Variants in SP3 observed in about 807,000 individuals in gnomAD.
SP3 encodes the protein transcription factor Sp3.
SP3 carries 10 observed loss-of-function variants against 70.3 expected under a neutral mutation model. The observed-to-expected ratio is 0.14, with a 90% confidence interval of 0.09 to 0.24. SP3 has a LOEUF of 0.24. Ranked by LOEUF, SP3 falls within the 10% of genes least tolerant of loss-of-function variation. The pLI is 1.00. For synonymous variants in SP3, 402 were observed against 333.5 expected, an observed-to-expected ratio of 1.21 and a Z score of -2.24; for missense variants, 825 against 914.6, an observed-to-expected ratio of 0.90 and a Z score of 1.26.
At chr2:173,963,922 G>T in intron 2 of SP3, 39 bp from the exon 3 acceptor site, 1 of 1,393,768 alleles carries the variant, frequency 7.2e-7, no homozygotes, top group Non-Finnish European at 9.5e-7. Flanking sequence ...GAGACAGGGG[G>T]AGGGGGTGGC....
intron 4 of SP3, among the ~76,000 whole-genome samples, chr2:173,925,612 T>C (rs1009743856): frequency 6.6e-6 from 1 of 152,346 alleles, no homozygotes; most frequent in Non-Finnish European, 1.5e-5. Flanking sequence ...TCTTCCCTGT[T>C]GTCCCACTCC....
intron 5 of SP3, chr2:173,916,709 T>C (rs1389692079): frequency 1.3e-5 from 2 of 152,076 alleles, no homozygotes; most frequent in Non-Finnish European, 1.5e-5. Flanking sequence ...CACTGCTGGT[T>C]AGAGTATAAA....
At chr2:173,943,724 GACTT>G (rs1236802952) in intron 4 of SP3, among the ~76,000 whole-genome samples, 2 of 152,150 alleles carry the variant, frequency 1.3e-5, no homozygotes, top group Non-Finnish European at 2.9e-5. Flanking sequence ...TGAGAAGAGG[GACTT>G]AGTCTTTTTC....
Position 173,903,787 on chromosome 2 carries a change from C to T in SP3, c.*6154G>A, listed in dbSNP as rs1689237109. Reference sequence around the variant, plus strand: ...TAGAGGGACTTCTAAGGCTTTTAATCAGTTTTCTTGGACACATTCTACCAG... The same window carrying T: ...TAGAGGGACTTCTAAGGCTTTTAATTAGTTTTCTTGGACACATTCTACCAG... On this transcript the variant is annotated 3_prime_UTR_variant, in exon 7 of 7. Coordinates refer to ENST00000310015, the MANE Select transcript of SP3 (RefSeq NM_003111.5). 6.6e-6 allele frequency among the ~76,000 whole-genome samples: 1 copy of T among 152,146 alleles called. No homozygotes were observed. The highest frequency in any genetic ancestry group is 1.5e-5 in the Non-Finnish European group (1 of 68,022).
rs1402140434 is a variant in SP3, at chr2:173,964,483, G to GCCGCCA, written c.72_77dup (p.Gly28_Gly29dup). On this transcript the variant is annotated inframe_insertion, in exon 2 of 7. Coordinates refer to ENST00000310015, the MANE Select transcript of SP3 (RefSeq NM_003111.5). ...GCAGATACTCGCCGTGGCCGCCGCC[G>GCCGCCA]CCGCCACCGCCGCCGCCGCTATCCA... 16 of 681,744 alleles carry GCCGCCA rather than the reference G, an allele frequency of 2.3e-5. No individual in the cohort carries two copies. Among genetic ancestry groups the GCCGCCA allele is most frequent in the East Asian group, 8.8e-5 (3 of 33,966 alleles). 42.2% of individuals were successfully genotyped at this position (681,744 alleles called of 1,614,324 possible).
chr2:173,925,048 C>A (rs1472279170), intron 4 of SP3, among the ~76,000 whole-genome samples: 1 of 152,082 alleles, frequency 6.6e-6, no homozygotes, highest in African/African-American at 2.4e-5. Context: ...ACACCACACC[C>A]GGCTAATTTC....
intron 5 of SP3, 22 bp downstream of exon 5, chr2:173,918,571 T>C: frequency 1.2e-6 from 2 of 1,603,554 alleles, no homozygotes; most frequent in South Asian, 2.2e-5. Flanking sequence ...TAAAAATATA[T>C]ATGTGTTTCA....
In SP3 at chr2:173,900,874, C is replaced by A. The variant is rs1559083833; in HGVS notation, c.*9067G>T. 6.6e-6 allele frequency among the ~76,000 whole-genome samples: 1 copy of A among 152,096 alleles called. No homozygotes were observed. Among genetic ancestry groups the A allele is most frequent in the East Asian group, 1.9e-4 (1 of 5,194 alleles). Reference sequence around the variant, plus strand: ...GGATAGAAAGATAACATTCTTTCCCCAAATTAATCTATAGATTCAATGTAA... The same window carrying A: ...GGATAGAAAGATAACATTCTTTCCCAAAATTAATCTATAGATTCAATGTAA... On this transcript the variant is annotated 3_prime_UTR_variant, in exon 7 of 7. Transcript: ENST00000310015.
rs984806682 is a variant in SP3 at position 173,908,823 on chromosome 2, A to G, written c.*1118T>C. The stretch of plus-strand genomic sequence containing the variant: ...CATAATAAAAAACATACGCTTCTCA[A>G]TTAAATGTACTGGATACATATAAAT... On this transcript the variant is annotated 3_prime_UTR_variant, in exon 7 of 7. Coordinates refer to ENST00000310015, the MANE Select transcript of SP3 (RefSeq NM_003111.5). The G allele has an allele frequency of 2.5e-4, 38 of 152,458 alleles. No homozygotes were observed. Among genetic ancestry groups the G allele is most frequent in the African/African-American group, 8.9e-4 (37 of 41,538 alleles). The allele number at this position is 152,458 out of a possible 1,614,324, so 9.4% of individuals were successfully genotyped here.
At chr2:173,913,360 T>G (rs906641975) in intron 5 of SP3, 94 bp from the exon 6 acceptor site, 2 of 912,816 alleles carry the variant, frequency 2.2e-6, no homozygotes, top group Non-Finnish European at 3.0e-6. Context: ...GAATTTTAAA[T>G]AGAAGACATT....
rs1009780605 is a variant in SP3 at position 173,904,360 on chromosome 2, C to G, written c.*5581G>C. The stretch of plus-strand genomic sequence containing the variant: ...TTTTACGAGAGAATATACTGTACCT[C>G]AGTTGTCTTAGTTGGCATTATTTGG... On this transcript the variant is annotated 3_prime_UTR_variant, in exon 7 of 7. Transcript: ENST00000310015. 6.6e-6 allele frequency among the ~76,000 whole-genome samples: 1 copy of G among 152,126 alleles called. No homozygotes were observed. Among genetic ancestry groups the G allele is most frequent in the Non-Finnish European group, 1.5e-5 (1 of 68,012 alleles).
chr2:173,953,920 A>T (rs1690798695), intron 4 of SP3, among the ~76,000 whole-genome samples: 1 of 152,226 alleles, frequency 6.6e-6, no homozygotes, highest in Admixed American at 6.5e-5. Flanking sequence ...TTCTAAGACC[A>T]TTTCAATTTT....
chr2:173,945,540 G>A (rs1265285768), intron 4 of SP3, among the ~76,000 whole-genome samples: 2 of 152,196 alleles, frequency 1.3e-5, no homozygotes, highest in South Asian at 2.1e-4. Flanking sequence ...TATACAAGAA[G>A]TATGCTATAC....
chr2:173,925,434 T>C (rs1025892144), intron 4 of SP3, among the ~76,000 whole-genome samples: 7 of 151,916 alleles, frequency 4.6e-5, no homozygotes, highest in Non-Finnish European at 7.4e-5. Context: ...AAAAGGGAAG[T>C]TGGTATTTAA....
At chr2:173,933,935 G>A (rs920049030) in intron 4 of SP3, among the ~76,000 whole-genome samples, 2 of 151,822 alleles carry the variant, frequency 1.3e-5, no homozygotes, top group Admixed American at 6.6e-5. Flanking sequence ...AAAAGCAAAT[G>A]AAAAGCGGAA....
intron 3 of SP3, among the ~76,000 whole-genome samples, chr2:173,961,278 T>C (rs1354923196): frequency 2.0e-5 from 3 of 152,240 alleles, no homozygotes; most frequent in Admixed American, 2.0e-4. Context: ...GCTAGGATCC[T>C]CTTTTATGAC....
chr2:173,956,382 A>C, intron 3 of SP3, 150 bp from the exon 4 acceptor site: 3 of 730,258 alleles, frequency 4.1e-6, no homozygotes, highest in Non-Finnish European at 6.3e-6. Context: ...GTACTATATG[A>C]ACTACAATAA....
At chr2:173,920,596 A>AATTTATTT (rs60175008) in intron 4 of SP3, among the ~76,000 whole-genome samples, 19 of 151,492 alleles carry the variant, frequency 1.3e-4, no homozygotes, top group African/African-American at 3.9e-4. Flanking sequence ...GCTCTTTAAA[A>AATTTATTT]ATTTATTTAT....
chr2:173,913,994 T>C (rs1235972176), intron 5 of SP3: 2 of 152,112 alleles, frequency 1.3e-5, no homozygotes, highest in Admixed American at 1.3e-4. Context: ...ATCACAAAAT[T>C]GGACATTTAT....
Sources: allele counts gnomAD v4.1 joint callset (sites outside exome capture counted in the v4.1 genomes callset), GRCh38; gene constraint gnomAD v4.1.1; transcripts MANE v1.5; gene names NCBI Gene and HGNC (gene_info 2026-07-23, HGNC 2026-07-21).